Variants in AIDA observed in about 807,000 individuals in gnomAD.
AIDA encodes the protein axin interactor, dorsalization associated.
In AIDA, 18 loss-of-function variants were observed where a neutral mutation model predicts 42.7. The ratio of observed to expected loss-of-function variants is 0.42; its 90% CI spans 0.29 to 0.63. The LOEUF is 0.63. AIDA is among the 20% of genes least tolerant of loss of function. The probability of loss-of-function intolerance (pLI) is 0.19; values close to 1 mark genes in which losing one functional copy is unlikely to be tolerated. For synonymous variants in AIDA, 104 were observed against 122.9 expected (o/e 0.85, Z 1.02); for missense variants, 250 against 354.1 (o/e 0.71, Z 2.36).
intron 1 of AIDA, among the ~76,000 whole-genome samples, chr1:222,709,742 G>C (rs1336509647): frequency 6.6e-6 from 1 of 152,140 alleles, no homozygotes; most frequent in Non-Finnish European, 1.5e-5. Context: ...AGGAATGTGG[G>C]AGCACTTACT....
intron 1 of AIDA, among the ~76,000 whole-genome samples, chr1:222,705,745 G>A (rs1198341691): frequency 6.6e-6 from 1 of 152,042 alleles, no homozygotes; most frequent in Non-Finnish European, 1.5e-5. Context: ...TTAGCGGGGC[G>A]TGGTGGCTGG....
intron 8 of AIDA, 80 bp downstream of exon 8, chr1:222,673,233 C>T: frequency 7.5e-7 from 1 of 1,324,884 alleles, no homozygotes; most frequent in Non-Finnish European, 1.0e-6. Flanking sequence ...ACTAACTATG[C>T]TAGGTCCACC....
chr1:222,685,518 C>A (rs561582171), intron 6 of AIDA, among the ~76,000 whole-genome samples: 4 of 152,278 alleles, frequency 2.6e-5, no homozygotes, highest in Admixed American at 2.6e-4. Context: ...GAACAGCACA[C>A]AGATTGTATT....
At chr1:222,681,530 G>A (rs1664652335) in intron 6 of AIDA, among the ~76,000 whole-genome samples, 1 of 152,198 alleles carries the variant, frequency 6.6e-6, no homozygotes. Flanking sequence ...CGGTGTGGTA[G>A]TGCATGACTG....
intron 2 of AIDA, among the ~76,000 whole-genome samples, chr1:222,698,580 T>C (rs1655585940): frequency 6.6e-6 from 1 of 151,906 alleles, no homozygotes. Flanking sequence ...ACCTCCCAAG[T>C]AGCTGGGATT....
chr1:222,672,286 C>A (rs954146093), intron 8 of AIDA, among the ~76,000 whole-genome samples: 3 of 152,074 alleles, frequency 2.0e-5, no homozygotes, highest in Non-Finnish European at 4.4e-5. Context: ...CACCTTCTCC[C>A]GTCCACATCA....
At chr1:222,670,551 C>CA (rs1664429029) in intron 8 of AIDA, among the ~76,000 whole-genome samples, 1 of 152,114 alleles carries the variant, frequency 6.6e-6, no homozygotes, top group South Asian at 2.1e-4. Context: ...TCATAAGCTG[C>CA]TATAAAATAT....
chr1:222,700,973 G>GGGC (rs1655676765), intron 2 of AIDA, among the ~76,000 whole-genome samples: 1 of 127,278 alleles, frequency 7.9e-6, no homozygotes, highest in Non-Finnish European at 1.6e-5. Context: ...ATTTTTTTTG[G>GGGC]GGGGGGGGGG....
chr1:222,709,893 T>C (rs1403927295), intron 1 of AIDA, among the ~76,000 whole-genome samples: 1 of 152,194 alleles, frequency 6.6e-6, no homozygotes, highest in East Asian at 1.9e-4. Flanking sequence ...TTGTTTAAGC[T>C]ACAGTATTAT....
At chr1:222,676,342 C>G (rs1306334595) in intron 6 of AIDA, 124 bp from the exon 7 acceptor site, 1 of 1,096,112 alleles carries the variant, frequency 9.1e-7, no homozygotes, top group Admixed American at 3.2e-5. Flanking sequence ...TATTTTGGTT[C>G]CCGAAACTCC....
At chr1:222,689,403 G>A (rs1427026205) in intron 4 of AIDA, among the ~76,000 whole-genome samples, 1 of 148,230 alleles carries the variant, frequency 6.7e-6, no homozygotes, top group Non-Finnish European at 1.5e-5. Context: ...TCATGCCACT[G>A]CACTCCAGCC....
rs576763524 is a variant in AIDA at position 222,674,675 on chromosome 1, T to C, written c.584-1240A>G. 6.6e-5 allele frequency among the ~76,000 whole-genome samples: 10 copies of C among 152,312 alleles called. No individual in the cohort carries two copies. The South Asian group carries it at 1.9e-3, about 28-fold the overall frequency. On this transcript the variant is annotated intron_variant, in intron 7 of 9. Coordinates refer to ENST00000340020, the MANE Select transcript of AIDA (RefSeq NM_022831.4). ...GTTTTATACCAACTAGAAAGAACACTAAGTTATTGTGTATGGTTTTAATTT... is the reference window on the plus strand; with the variant it reads ...GTTTTATACCAACTAGAAAGAACACCAAGTTATTGTGTATGGTTTTAATTT...
intron 1 of AIDA, among the ~76,000 whole-genome samples, chr1:222,705,739 C>T (rs531183309): frequency 5.3e-5 from 8 of 152,098 alleles, no homozygotes; most frequent in South Asian, 2.1e-4. Context: ...TGAAAATTAG[C>T]GGGGCGTGGT....
intron 2 of AIDA, among the ~76,000 whole-genome samples, chr1:222,698,064 G>C (rs1655571665): frequency 6.6e-6 from 1 of 152,192 alleles, no homozygotes; most frequent in South Asian, 2.1e-4. Context: ...TGGAATGAAA[G>C]CTTTTGGCAG....
intron 6 of AIDA, among the ~76,000 whole-genome samples, chr1:222,683,927 T>TA (rs1412381813): frequency 6.6e-6 from 1 of 152,186 alleles, no homozygotes; most frequent in African/African-American, 2.4e-5. Flanking sequence ...ACCTTTTTTT[T>TA]ATTTTCATGA....
rs1462728798 is a variant in AIDA at position 222,668,352 on chromosome 1, TCA to T, written c.*1539_*1540del. 6.5e-5 allele frequency: 8 copies of T among 123,258 alleles called. No homozygotes were observed. The highest frequency in any genetic ancestry group is 1.6e-4 in the African/African-American group (5 of 31,806). The allele number at this position is 123,258 out of a possible 1,614,324, so 7.6% of individuals were successfully genotyped here. A position where few individuals can be genotyped will look rare whatever the true frequency, so the allele number is the denominator to read the frequency against. ...GCTTACAGTCTAGGGATTTGACAAC[TCA>T]CAGTCTTAGGAACTGGGCAAAGTAA... On this transcript the variant is annotated 3_prime_UTR_variant, in exon 10 of 10. Transcript: ENST00000340020.
chr1:222,707,484 T>G (rs1655875139), intron 1 of AIDA, among the ~76,000 whole-genome samples: 1 of 152,228 alleles, frequency 6.6e-6, no homozygotes, highest in Non-Finnish European at 1.5e-5. Flanking sequence ...TAAGCCGACA[T>G]GAAAAATTAA....
At chr1:222,709,174 T>G (rs1655924487) in intron 1 of AIDA, among the ~76,000 whole-genome samples, 1 of 152,212 alleles carries the variant, frequency 6.6e-6, no homozygotes. Flanking sequence ...GGCTCATGCC[T>G]GTAATCTCAA....
intron 8 of AIDA, 59 bp from the exon 9 acceptor site, chr1:222,670,309 A>C: frequency 7.2e-7 from 1 of 1,391,066 alleles, no homozygotes; most frequent in East Asian, 2.3e-5. Flanking sequence ...TGTGTCAATT[A>C]ATTTTCTTTG....
Sources: allele counts gnomAD v4.1 joint callset (sites outside exome capture counted in the v4.1 genomes callset), GRCh38; gene constraint gnomAD v4.1.1; transcripts MANE v1.5; gene names NCBI Gene and HGNC (gene_info 2026-07-23, HGNC 2026-07-21).